PTPRD: variants seen among roughly 807,000 people sequenced by gnomAD.
The protein encoded by PTPRD is protein tyrosine phosphatase receptor type D, also known as receptor-type tyrosine-protein phosphatase delta.
In PTPRD, 34 loss-of-function variants were observed where a neutral mutation model predicts 214.5. The observed-to-expected ratio is 0.16, with a 90% CI of 0.12 to 0.21. The LOEUF (loss-of-function observed/expected upper bound fraction) is 0.21, where lower values mean the gene tolerates loss of function less well. PTPRD is among the 10% of genes least tolerant of loss of function. The probability of loss-of-function intolerance (pLI) is 1.00; values close to 1 mark genes in which losing one functional copy is unlikely to be tolerated. For missense variants in PTPRD, 2,545 were observed against 2,398.7 expected (o/e 1.06, Z -1.27); for synonymous variants, 1,128 against 845.7 (o/e 1.33, Z -5.79).
chr9:9,633,782 T>C (rs1220990701), intron 7 of PTPRD, among the ~76,000 whole-genome samples: 1 of 152,202 alleles, frequency 6.6e-6, no homozygotes, highest in Non-Finnish European at 1.5e-5. Context: ...GGTAAAATCA[T>C]CTGCTTAAAA....
intron 11 of PTPRD, among the ~76,000 whole-genome samples, chr9:8,930,697 T>G (rs2154281409): frequency 6.6e-6 from 1 of 152,302 alleles, no homozygotes. Context: ...TGATTTGCAT[T>G]TCTCTGATGG....
intron 8 of PTPRD, among the ~76,000 whole-genome samples, chr9:9,436,267 C>T (rs2085217740): frequency 6.6e-6 from 1 of 152,208 alleles, no homozygotes; most frequent in African/African-American, 2.4e-5. Context: ...TTTAACTCAT[C>T]CTTCAATGGA....
intron 3 of PTPRD, among the ~76,000 whole-genome samples, chr9:10,096,670 T>C (rs2098489903): frequency 1.3e-5 from 2 of 152,054 alleles, no homozygotes; most frequent in African/African-American, 4.8e-5. Flanking sequence ...TTGCAAAAAT[T>C]CTCTCCCATT....
intron 11 of PTPRD, among the ~76,000 whole-genome samples, chr9:8,894,346 A>ACTC (rs1366448524): frequency 8.5e-6 from 1 of 117,782 alleles, no homozygotes; most frequent in Non-Finnish European, 1.7e-5. Context: ...CAAGAGTGAG[A>ACTC]CTCCATCTCA....
At chr9:8,674,104 C>T (rs2097348565) in intron 12 of PTPRD, among the ~76,000 whole-genome samples, 4 of 152,026 alleles carry the variant, frequency 2.6e-5, no homozygotes, top group Admixed American at 2.6e-4. Context: ...ATGGGAATAA[C>T]AAAAAATCAC....
chr9:10,125,941 A>C (rs903749876), intron 3 of PTPRD, among the ~76,000 whole-genome samples: 1 of 152,296 alleles, frequency 6.6e-6, no homozygotes, highest in South Asian at 2.1e-4. Context: ...AAGAAAACTA[A>C]AAATGCATAA....
In PTPRD at chr9:8,484,822, A is replaced by G. The variant is rs527318925; in HGVS notation, c.3153+405T>C. ...ATTTCATAAATATGTACTTGCTAAC[A>G]TCTCTTAATGGCAAGCCAGAGTTTA... On this transcript the variant is annotated intron_variant, in intron 29 of 45. Transcript: ENST00000381196. Among the ~76,000 whole-genome samples the G allele has an allele frequency of 2.2e-4, 33 of 152,326 alleles. No homozygotes were observed. In the South Asian group the frequency reaches 3.9e-3, roughly 18 times the overall value.
At chr9:10,005,933 G>A (rs552207221) in intron 4 of PTPRD, among the ~76,000 whole-genome samples, 1 of 151,970 alleles carries the variant, frequency 6.6e-6, no homozygotes, top group South Asian at 2.1e-4. Flanking sequence ...ATATTACAGG[G>A]CAATAAAATT....
intron 11 of PTPRD, among the ~76,000 whole-genome samples, chr9:8,789,674 A>C (rs1470198238): frequency 7.2e-6 from 1 of 138,106 alleles, no homozygotes; most frequent in Non-Finnish European, 1.5e-5. Flanking sequence ...ATTGAGGGGC[A>C]AAAAAAATCA....
At chr9:9,421,336 C>CAT (rs3048795) in intron 8 of PTPRD, among the ~76,000 whole-genome samples, 121,975 of 151,422 alleles carry the variant, frequency 0.81, 49,236 homozygotes, top group Non-Finnish European at 0.81. Context: ...GAAATATGCA[C>CAT]GTCAAAATAA....
chr9:10,402,807 G>T (rs951987993), intron 2 of PTPRD, among the ~76,000 whole-genome samples: 7 of 151,504 alleles, frequency 4.6e-5, no homozygotes, highest in African/African-American at 1.7e-4. Context: ...ATCTAATGTG[G>T]GAAAAATACC....
intron 11 of PTPRD, among the ~76,000 whole-genome samples, chr9:8,922,086 T>C (rs1164953463): frequency 1.3e-5 from 2 of 152,204 alleles, no homozygotes; most frequent in African/African-American, 4.8e-5. Context: ...AGGCAGAGAA[T>C]TCGTGTGTAG....
chr9:9,080,091 T>C (rs2099756901), intron 10 of PTPRD, among the ~76,000 whole-genome samples: 1 of 152,056 alleles, frequency 6.6e-6, no homozygotes, highest in Non-Finnish European at 1.5e-5. Context: ...TAACCCATAG[T>C]TATTGTCTAT....
At chr9:10,512,921 T>A (rs1340693628) in intron 2 of PTPRD, among the ~76,000 whole-genome samples, 3 of 152,052 alleles carry the variant, frequency 2.0e-5, no homozygotes, top group Non-Finnish European at 4.4e-5. Context: ...TTAAGGGTAC[T>A]GTCAAGAGGA....
At chr9:9,814,045 A>C (rs2047981298) in intron 5 of PTPRD, among the ~76,000 whole-genome samples, 1 of 152,154 alleles carries the variant, frequency 6.6e-6, no homozygotes, top group Admixed American at 6.6e-5. Flanking sequence ...TGAAGGATAA[A>C]TATCACATGA....
chr9:9,074,912 A>G (rs1266503087), intron 10 of PTPRD, among the ~76,000 whole-genome samples: 1 of 151,990 alleles, frequency 6.6e-6, no homozygotes, highest in African/African-American at 2.4e-5. Context: ...TGGGCAAAAA[A>G]AAAAAAGTCC....
At chr9:9,728,858 T>G (rs1001229122) in intron 7 of PTPRD, among the ~76,000 whole-genome samples, 1 of 152,166 alleles carries the variant, frequency 6.6e-6, no homozygotes. Context: ...CATGTTTTTT[T>G]AGTTTATCTA....
intron 2 of PTPRD, among the ~76,000 whole-genome samples, chr9:10,344,999 T>G (rs992667940): frequency 3.3e-5 from 5 of 152,136 alleles, no homozygotes; most frequent in Non-Finnish European, 7.3e-5. Flanking sequence ...ATAATGTAAT[T>G]TTATCTTTCT....
chr9:8,574,589 T>C (rs996471932), intron 14 of PTPRD, among the ~76,000 whole-genome samples: 1 of 151,996 alleles, frequency 6.6e-6, no homozygotes, highest in African/African-American at 2.4e-5. Context: ...TATAGCAAAA[T>C]AAAGGCTAAC....
Sources: gnomAD v4.1 joint callset for allele counts (sites outside exome capture counted in the v4.1 genomes callset) on GRCh38, gnomAD v4.1.1 for gene constraint, MANE v1.5 for transcripts, NCBI Gene and HGNC (gene_info 2026-07-23, HGNC 2026-07-21) for gene names.